The following CNTN4 variants were observed in gnomAD, a reference collection of about 807,000 sequenced individuals.
CNTN4 encodes the protein contactin-4.
In CNTN4, 77 loss-of-function variants were observed where a neutral mutation model predicts 122.5. That is an observed-to-expected ratio of 0.63 (90% CI 0.52 to 0.76). CNTN4 has a LOEUF of 0.76. CNTN4 is among the 30% of genes least tolerant of loss of function. The probability of loss-of-function intolerance (pLI) is 0.00; values close to 1 mark genes in which losing one functional copy is unlikely to be tolerated. For synonymous variants in CNTN4, 512 were observed against 447.0 expected (o/e 1.15, Z -1.83); for missense variants, 1,256 against 1,259.1 (o/e 1.00, Z 0.04).
At chr3:2,387,047 T>C (rs1242596921) in intron 3 of CNTN4, among the ~76,000 whole-genome samples, 1 of 152,164 alleles carries the variant, frequency 6.6e-6, no homozygotes, top group Non-Finnish European at 1.5e-5. Context: ...TAACCATAAG[T>C]CGTGTGACTT....
rs529463689 is a variant in CNTN4 at position 2,331,996 on chromosome 3, C to G, written c.-144-7182C>G. On this transcript the variant is annotated intron_variant, in intron 2 of 24. Transcript: ENST00000418658. ...GCCTTTCTCCGTGGTAAGTAAAGCT[C>G]CAGTAAAATCCCATGTCTTGTTTGC... 2.2e-4 allele frequency among the ~76,000 whole-genome samples: 34 copies of G among 152,282 alleles called. 1 individual carries two copies. The South Asian group carries it at 6.8e-3, about 31-fold the overall frequency.
intron 4 of CNTN4, among the ~76,000 whole-genome samples, chr3:2,668,282 T>A (rs1278503176): frequency 6.6e-5 from 10 of 152,032 alleles, no homozygotes; most frequent in Non-Finnish European, 1.0e-4. Flanking sequence ...CAGTGGTTTG[T>A]AGTTCTCCTG....
intron 14 of CNTN4, 25 bp from the exon 15 acceptor site, chr3:3,026,077 T>C: frequency 1.2e-6 from 2 of 1,604,644 alleles, no homozygotes; most frequent in East Asian, 4.5e-5. Context: ...TTGTTGTTAT[T>C]GTTTGTTTTG....
At chr3:2,784,102 A>G (rs953064151) in intron 6 of CNTN4, among the ~76,000 whole-genome samples, 1 of 152,144 alleles carries the variant, frequency 6.6e-6, no homozygotes, top group South Asian at 2.1e-4. Context: ...ATTTCTACAT[A>G]TAGACATTTA....
chr3:2,877,453 A>G (rs1052716042), intron 8 of CNTN4, among the ~76,000 whole-genome samples: 2 of 152,236 alleles, frequency 1.3e-5, no homozygotes, highest in Non-Finnish European at 2.9e-5. Flanking sequence ...AGACATTTTT[A>G]CTTTATGCAT....
chr3:2,932,977 T>C (rs1009667132), intron 13 of CNTN4, among the ~76,000 whole-genome samples: 17 of 152,030 alleles, frequency 1.1e-4, no homozygotes, highest in South Asian at 4.2e-4. Flanking sequence ...CACCCACCAC[T>C]ATGCCCGGCT....
chr3:2,328,598 G>T (rs1190411071), intron 2 of CNTN4, among the ~76,000 whole-genome samples: 1 of 151,866 alleles, frequency 6.6e-6, no homozygotes, highest in African/African-American at 2.4e-5. Context: ...CACGTATACA[G>T]TTGGCCCTCC....
At chr3:2,989,150 G>A (rs1248148806) in intron 14 of CNTN4, 1 of 152,264 alleles carries the variant, frequency 6.6e-6, no homozygotes, top group Non-Finnish European at 1.5e-5. Flanking sequence ...TTGAAAAGGA[G>A]AAAATCTTAA....
At chr3:2,530,763 A>T (rs1001423826) in intron 3 of CNTN4, among the ~76,000 whole-genome samples, 7 of 152,128 alleles carry the variant, frequency 4.6e-5, no homozygotes, top group Admixed American at 4.6e-4. Flanking sequence ...TTACCTTGAG[A>T]AAATGTTCTT....
At chr3:2,896,931 GT>G (rs58232281) in intron 10 of CNTN4, among the ~76,000 whole-genome samples, 16,268 of 117,928 alleles carry the variant, frequency 0.14, 832 homozygotes, top group African/African-American at 0.19. Flanking sequence ...AATTTAGAGG[GT>G]TTTTTTTTTT....
chr3:2,713,016 C>T (rs2728041), intron 4 of CNTN4, among the ~76,000 whole-genome samples: 40,785 of 152,044 alleles, frequency 0.27, 6,512 homozygotes, highest in African/African-American at 0.43. Context: ...GCAAACATTG[C>T]GTTCCCCTGT....
chr3:2,553,299 G>A (rs1436842757), intron 3 of CNTN4, among the ~76,000 whole-genome samples: 5 of 152,098 alleles, frequency 3.3e-5, no homozygotes, highest in Non-Finnish European at 7.4e-5. Context: ...CACTCATTCC[G>A]GGGCATGTGC....
chr3:2,332,155 A>C (rs1469403078), intron 2 of CNTN4, among the ~76,000 whole-genome samples: 1 of 152,158 alleles, frequency 6.6e-6, no homozygotes, highest in Non-Finnish European at 1.5e-5. Context: ...GGAAAACTTT[A>C]GATTTCAGGA....
intron 3 of CNTN4, among the ~76,000 whole-genome samples, chr3:2,418,533 G>T (rs553669147): frequency 1.3e-5 from 2 of 152,232 alleles, no homozygotes; most frequent in Admixed American, 6.5e-5. Flanking sequence ...TTTTGATTCT[G>T]TTATACACTA....
At chr3:2,551,025 A>C (rs1382018125) in intron 3 of CNTN4, among the ~76,000 whole-genome samples, 1 of 152,108 alleles carries the variant, frequency 6.6e-6, no homozygotes, top group Non-Finnish European at 1.5e-5. Context: ...TGAGTGCAGC[A>C]AACCATCATG....
At chr3:2,390,383 G>A (rs762656525) in intron 3 of CNTN4, among the ~76,000 whole-genome samples, 15 of 151,958 alleles carry the variant, frequency 9.9e-5, no homozygotes, top group Non-Finnish European at 2.1e-4. Context: ...TAAAAGTTAA[G>A]AAAGATGCAC....
At chr3:2,624,495 G>A (rs1367195239) in intron 4 of CNTN4, among the ~76,000 whole-genome samples, 1 of 151,914 alleles carries the variant, frequency 6.6e-6, no homozygotes, top group African/African-American at 2.4e-5. Flanking sequence ...CAACCTGCCT[G>A]TCAACATGAG....
intron 4 of CNTN4, among the ~76,000 whole-genome samples, chr3:2,637,105 C>A (rs553436127): frequency 6.6e-6 from 1 of 151,804 alleles, no homozygotes; most frequent in East Asian, 1.9e-4. Context: ...CCACGCCTGG[C>A]TAATTTTTAT....
At position 2,707,255 on chromosome 3, in the gene CNTN4, G is replaced by A. The variant is rs1460402784; in HGVS notation, c.56-28960G>A. Reference sequence around the variant, plus strand: ...CAGGAGGTTGAGGCTGCAGTGAGCCGAGATCACGCCACTGCACTCCAGCCT... The same window carrying A: ...CAGGAGGTTGAGGCTGCAGTGAGCCAAGATCACGCCACTGCACTCCAGCCT... On this transcript the variant is annotated intron_variant, in intron 4 of 24. Transcript: ENST00000418658. Among the ~76,000 whole-genome samples the A allele has an allele frequency of 2.0e-5, 3 of 151,462 alleles. No homozygotes were observed. In the South Asian group the frequency reaches 6.2e-4, roughly 31 times the overall value.
Sources: gnomAD v4.1 joint callset for allele counts (sites outside exome capture counted in the v4.1 genomes callset) on GRCh38, gnomAD v4.1.1 for gene constraint, MANE v1.5 for transcripts, NCBI Gene and HGNC (gene_info 2026-07-23, HGNC 2026-07-21) for gene names.